DMD: variants seen among roughly 807,000 people sequenced by gnomAD.
The protein encoded by DMD is dystrophin.
In DMD, 63 loss-of-function variants were observed where a neutral mutation model predicts 330.1. The observed-to-expected ratio is 0.19, with a 90% CI of 0.16 to 0.24. The LOEUF (loss-of-function observed/expected upper bound fraction) is 0.24. DMD is among the 10% of genes least tolerant of loss of function. DMD has a pLI of 1.00. For synonymous variants in DMD, 1,223 were observed against 959.8 expected, an observed-to-expected ratio of 1.27 and a Z score of -5.07; for missense variants, 3,344 against 2,684.1, an observed-to-expected ratio of 1.25 and a Z score of -5.43.
intron 74 of DMD, among the ~76,000 whole-genome samples, chrX:31,150,211 C>G (rs2037240188): frequency 9.0e-6 from 1 of 111,627 alleles, no homozygotes; most frequent in South Asian, 3.8e-4. Context: ...TATTTCTAGA[C>G]CTATATAGTT....
chrX:31,121,749 A>C lies in DMD; in HGVS notation c.*170T>G. 1 of 731,664 alleles carries C rather than the reference A, an allele frequency of 1.4e-6. No homozygotes were observed. Among genetic ancestry groups the C allele is most frequent in the Non-Finnish European group, 2.1e-6 (1 of 466,167 alleles). 60.3% of individuals were successfully genotyped at this position (731,664 alleles called of 1,213,427 possible). A position where few individuals can be genotyped will look rare whatever the true frequency, so the allele number is the denominator to read the frequency against. On this transcript the variant is annotated 3_prime_UTR_variant, in exon 79 of 79. Transcript: ENST00000357033. The stretch of plus-strand genomic sequence containing the variant: ...CTACCCTTCACAAAAATATAGATTT[A>C]TTTCTTGTAAACTCTTACTGTCTAA...
At chrX:31,159,952 A>G (rs960246357) in intron 74 of DMD, among the ~76,000 whole-genome samples, 1 of 112,453 alleles carries the variant, frequency 8.9e-6, no homozygotes, top group African/African-American at 3.2e-5. Context: ...CATTTCTGTC[A>G]TAAGATAAAG....
At chrX:32,138,366 C>G (rs1281306781) in intron 44 of DMD, among the ~76,000 whole-genome samples, 1 of 111,087 alleles carries the variant, frequency 9.0e-6, no homozygotes, top group East Asian at 2.8e-4. Flanking sequence ...TATATTCAAG[C>G]CTTCATGAAT....
chrX:32,362,083 A>G (rs1466582161), intron 37 of DMD, among the ~76,000 whole-genome samples: 1 of 111,971 alleles, frequency 8.9e-6, no homozygotes, highest in Non-Finnish European at 1.9e-5. Context: ...TATAAAGTCT[A>G]TCACGCAAAA....
intron 48 of DMD, among the ~76,000 whole-genome samples, chrX:31,840,412 CAT>C (rs2093293814): frequency 9.1e-6 from 1 of 110,398 alleles, no homozygotes; most frequent in African/African-American, 3.3e-5. Context: ...GATAAATACA[CAT>C]ATCAACATAT....
intron 57 of DMD, among the ~76,000 whole-genome samples, chrX:31,487,531 C>T (rs1284220608): frequency 8.9e-6 from 1 of 111,754 alleles, no homozygotes; most frequent in South Asian, 3.7e-4. Flanking sequence ...GTGCACAAAT[C>T]GGTATTGTTA....
At chrX:33,141,853 C>A (rs1415699742) in intron 1 of DMD, among the ~76,000 whole-genome samples, 1 of 111,567 alleles carries the variant, frequency 9.0e-6, no homozygotes, top group Non-Finnish European at 1.9e-5. Flanking sequence ...CATACACTAC[C>A]AAAAAGTGAC....
At chrX:32,744,420 T>A (rs2069713024) in intron 7 of DMD, among the ~76,000 whole-genome samples, 2 of 110,956 alleles carry the variant, frequency 1.8e-5, no homozygotes, top group African/African-American at 6.6e-5. Flanking sequence ...ATAAGGCATA[T>A]TCTCTCATGG....
chrX:33,013,539 A>G (rs994346002), intron 2 of DMD, among the ~76,000 whole-genome samples: 5 of 111,921 alleles, frequency 4.5e-5, no homozygotes, highest in African/African-American at 1.6e-4. Context: ...ACAGGAAGCC[A>G]GGGGCACAGG....
chrX:32,860,276 T>A (rs896004411), intron 2 of DMD, among the ~76,000 whole-genome samples: 2 of 112,116 alleles, frequency 1.8e-5, no homozygotes, highest in Non-Finnish European at 3.8e-5. Context: ...CAGAGTTGTA[T>A]TGGTCTTTTA....
intron 55 of DMD, among the ~76,000 whole-genome samples, chrX:31,528,234 G>C (rs770902976): frequency 1.1e-5 from 1 of 94,308 alleles, no homozygotes; most frequent in South Asian, 4.0e-4. Flanking sequence ...CAGTATACCA[G>C]CATCCTTTAG....
chrX:32,751,564 A>T (rs1363088815), intron 7 of DMD, among the ~76,000 whole-genome samples: 1 of 112,037 alleles, frequency 8.9e-6, no homozygotes, highest in East Asian at 2.8e-4. Context: ...AAGTTTGGAA[A>T]AATTACAGCC....
intron 30 of DMD, among the ~76,000 whole-genome samples, chrX:32,397,692 A>C (rs2098055212): frequency 9.0e-6 from 1 of 111,571 alleles, no homozygotes; most frequent in Non-Finnish European, 1.9e-5. Context: ...TTCAAACATT[A>C]ATCACATTTT....
chrX:31,926,008 G>C (rs1345642757), intron 47 of DMD, among the ~76,000 whole-genome samples: 1 of 111,064 alleles, frequency 9.0e-6, no homozygotes, highest in African/African-American at 3.3e-5. Flanking sequence ...ATGATGGCGA[G>C]AGAGCCTCCT....
chrX:32,495,240 A>T (rs1178325002), intron 19 of DMD, among the ~76,000 whole-genome samples: 1 of 111,265 alleles, frequency 9.0e-6, no homozygotes, highest in Admixed American at 9.6e-5. Context: ...TAAACTATAA[A>T]CTCCTATAGG....
At chrX:32,894,849 G>A (rs1273225813) in intron 2 of DMD, among the ~76,000 whole-genome samples, 1 of 112,367 alleles carries the variant, frequency 8.9e-6, no homozygotes, top group African/African-American at 3.2e-5. Flanking sequence ...TTTTTACAGA[G>A]TCAGATGTCA....
chrX:32,695,738 C>T (rs1017445815), intron 9 of DMD, among the ~76,000 whole-genome samples: 1 of 111,645 alleles, frequency 9.0e-6, no homozygotes, highest in Admixed American at 9.5e-5. Context: ...AGATTGAATA[C>T]AGATTGAAGC....
At chrX:31,905,293 C>G (rs1235717803) in intron 47 of DMD, among the ~76,000 whole-genome samples, 1 of 111,206 alleles carries the variant, frequency 9.0e-6, no homozygotes, top group Admixed American at 9.6e-5. Context: ...CACAATTTCA[C>G]ACAGAGACGA....
intron 44 of DMD, among the ~76,000 whole-genome samples, chrX:32,170,668 T>C (rs976519018): frequency 9.1e-6 from 1 of 109,704 alleles, no homozygotes; most frequent in East Asian, 2.9e-4. Context: ...CAGACCAGTG[T>C]TTCCCAACCT....
Sources: allele counts gnomAD v4.1 joint callset (sites outside exome capture counted in the v4.1 genomes callset), GRCh38; gene constraint gnomAD v4.1.1; transcripts MANE v1.5; gene names NCBI Gene and HGNC (gene_info 2026-07-23, HGNC 2026-07-21).